The following RIN2 variants were observed in gnomAD, a reference collection of about 807,000 sequenced individuals.
RIN2 encodes Ras and Rab interactor 2.
In RIN2, 36 loss-of-function variants were observed where a neutral mutation model predicts 78.0. That is an observed-to-expected ratio of 0.46 (90% CI 0.35 to 0.61). The LOEUF is 0.61. RIN2 is among the 20% of genes least tolerant of loss of function. The pLI is 0.00. For missense variants in RIN2, 1,087 were observed against 1,159.7 expected, an observed-to-expected ratio of 0.94 and a Z score of 0.91; for synonymous variants, 466 against 466.8, an observed-to-expected ratio of 1.00 and a Z score of 0.02.
At chr20:19,777,796 A>C (rs1429528142) in intron 1 of RIN2, among the ~76,000 whole-genome samples, 1 of 152,236 alleles carries the variant, frequency 6.6e-6, no homozygotes, top group African/African-American at 2.4e-5. Context: ...GCGTGGAGCA[A>C]AGGCTTGTGT....
chr20:19,942,337 C>A (rs1358897098), intron 4 of RIN2, among the ~76,000 whole-genome samples: 1 of 152,136 alleles, frequency 6.6e-6, no homozygotes, highest in East Asian at 1.9e-4. Context: ...GTCAGAGGTA[C>A]ATCAATTTCA....
At chr20:19,801,472 C>G in intron 2 of RIN2, among the ~76,000 whole-genome samples, 1 of 151,958 alleles carries the variant, frequency 6.6e-6, no homozygotes, top group East Asian at 1.9e-4. Flanking sequence ...AGGCCCCCAC[C>G]ACCACGCCCG....
chr20:19,946,128 T>G (rs529368482), intron 4 of RIN2, among the ~76,000 whole-genome samples: 1 of 152,322 alleles, frequency 6.6e-6, no homozygotes, highest in African/African-American at 2.4e-5. Flanking sequence ...AGCAGACCTT[T>G]TATTAATTCC....
chr20:19,932,980 C>G (rs1269580030), intron 3 of RIN2, among the ~76,000 whole-genome samples: 1 of 152,090 alleles, frequency 6.6e-6, no homozygotes, highest in Non-Finnish European at 1.5e-5. Context: ...TTTCTACCAC[C>G]CCCACATTCA....
intron 2 of RIN2, among the ~76,000 whole-genome samples, chr20:19,879,695 T>C (rs2037961075): frequency 6.6e-6 from 1 of 152,246 alleles, no homozygotes; most frequent in South Asian, 2.1e-4. Flanking sequence ...CTTTTTTCAT[T>C]GTGTGATCTT....
chr20:19,879,977 T>G (rs2009517), intron 2 of RIN2, among the ~76,000 whole-genome samples: 100,151 of 152,026 alleles, frequency 0.66, 33,794 homozygotes, highest in East Asian at 0.85. Flanking sequence ...TCCAGACCGG[T>G]TGCAGTGGCT....
chr20:19,993,468 G>C (rs888707664), intron 11 of RIN2, among the ~76,000 whole-genome samples: 4 of 151,808 alleles, frequency 2.6e-5, no homozygotes, highest in Non-Finnish European at 4.4e-5. Flanking sequence ...TTTTCCTGTC[G>C]GAGGGACCGC....
intron 2 of RIN2, among the ~76,000 whole-genome samples, chr20:19,888,139 C>T (rs77301763): frequency 0.015 from 2,245 of 152,182 alleles, 66 homozygotes; most frequent in African/African-American, 0.052. Context: ...TGGAAAGAAA[C>T]ACAGGGAAGA....
At chr20:19,949,103 A>G (rs1224385773) in intron 4 of RIN2, among the ~76,000 whole-genome samples, 1 of 152,076 alleles carries the variant, frequency 6.6e-6, no homozygotes, top group African/African-American at 2.4e-5. Context: ...ACGTGGTGAA[A>G]CCTCGTCTCT....
intron 9 of RIN2, among the ~76,000 whole-genome samples, chr20:19,983,875 C>A (rs2042540654): frequency 7.8e-6 from 1 of 128,654 alleles, no homozygotes; most frequent in South Asian, 2.4e-4. Context: ...TAGGTTGTAA[C>A]CTGTACATTT....
intron 1 of RIN2, among the ~76,000 whole-genome samples, chr20:19,782,553 CTT>C (rs1568746957): frequency 7.5e-6 from 1 of 132,972 alleles, no homozygotes; most frequent in East Asian, 2.3e-4. Context: ...GAGACTCTGT[CTT>C]AAAAAAAAAA....
intron 2 of RIN2, among the ~76,000 whole-genome samples, chr20:19,861,229 G>A (rs1277243141): frequency 6.6e-6 from 1 of 152,122 alleles, no homozygotes. Flanking sequence ...TTTAAAGCCT[G>A]TCTCAAAAGT....
At chr20:19,832,050 A>G (rs931816791) in intron 2 of RIN2, among the ~76,000 whole-genome samples, 8 of 152,032 alleles carry the variant, frequency 5.3e-5, no homozygotes, top group Non-Finnish European at 7.3e-5. Context: ...ACCTATTTCA[A>G]TGCATTTCAT....
intron 2 of RIN2, among the ~76,000 whole-genome samples, chr20:19,851,611 T>C (rs1218480399): frequency 1.3e-5 from 2 of 151,972 alleles, no homozygotes; most frequent in African/African-American, 4.8e-5. Context: ...TGGTCCCAGC[T>C]ACTCAGAGGC....
At chr20:19,961,100 C>A (rs1055359314) in intron 6 of RIN2, among the ~76,000 whole-genome samples, 30 of 152,210 alleles carry the variant, frequency 2.0e-4, no homozygotes, top group African/African-American at 7.2e-4. Flanking sequence ...TCTCCCCCTA[C>A]CCAGTTAAGT....
At chr20:19,905,675 G>T (rs1292907232) in intron 3 of RIN2, among the ~76,000 whole-genome samples, 1 of 152,192 alleles carries the variant, frequency 6.6e-6, no homozygotes, top group Non-Finnish European at 1.5e-5. Context: ...TTGAGCCCAG[G>T]AGTTCAAGGC....
intron 3 of RIN2, among the ~76,000 whole-genome samples, chr20:19,932,776 C>T (rs2040489157): frequency 6.6e-6 from 1 of 152,202 alleles, no homozygotes; most frequent in South Asian, 2.1e-4. Context: ...AAATCTCCAT[C>T]CAGAGTGTCA....
intron 3 of RIN2, among the ~76,000 whole-genome samples, chr20:19,929,248 AG>A: frequency 6.6e-6 from 1 of 152,340 alleles, no homozygotes; most frequent in Admixed American, 6.5e-5. Context: ...AATTCTGCAC[AG>A]GTACAGGGAT....
chr20:19,912,562 TC>T (rs2039521323), intron 3 of RIN2, among the ~76,000 whole-genome samples: 1 of 149,594 alleles, frequency 6.7e-6, no homozygotes, highest in Non-Finnish European at 1.5e-5. Context: ...CACTGCAACT[TC>T]CGCCTCCGGA....
Sources: gnomAD v4.1 joint callset for allele counts (sites outside exome capture counted in the v4.1 genomes callset) on GRCh38, gnomAD v4.1.1 for gene constraint, MANE v1.5 for transcripts, NCBI Gene and HGNC (gene_info 2026-07-23, HGNC 2026-07-21) for gene names.